The following RUSC2 variants were observed in gnomAD, a reference collection of about 807,000 sequenced individuals.
RUSC2 encodes AP-4 complex accessory subunit RUSC2.
A neutral mutation model predicts 122.2 loss-of-function variants in RUSC2; 34 were observed. That is an observed-to-expected ratio of 0.28 (90% CI 0.21 to 0.37). The LOEUF (loss-of-function observed/expected upper bound fraction) is 0.37. Ranked by LOEUF, RUSC2 falls within the 10% of genes least tolerant of loss-of-function variation. RUSC2 has a pLI of 1.00. For missense variants in RUSC2, 1,747 were observed against 1,952.4 expected (o/e 0.89, Z 1.98); for synonymous variants, 784 against 790.0 (o/e 0.99, Z 0.13).
intron 1 of RUSC2, among the ~76,000 whole-genome samples, chr9:35,518,967 A>G (rs1034705371): frequency 5.9e-5 from 9 of 152,172 alleles, no homozygotes; most frequent in Non-Finnish European, 1.0e-4. Flanking sequence ...CCTGTCCAGA[A>G]CAACAGGGCC....
At chr9:35,496,410 A>G (rs184670126) in intron 1 of RUSC2, among the ~76,000 whole-genome samples, 67 of 152,274 alleles carry the variant, frequency 4.4e-4, no homozygotes, top group South Asian at 1.0e-3. Context: ...AGGCTCCCCA[A>G]GGGTTGGCTA....
intron 1 of RUSC2, among the ~76,000 whole-genome samples, chr9:35,521,424 G>C (rs529081312): frequency 2.6e-5 from 4 of 152,264 alleles, no homozygotes; most frequent in Middle Eastern, 3.4e-3. Flanking sequence ...GATTTTAATG[G>C]AATAAAGAAA....
chr9:35,517,986 C>A (rs1170298287), intron 1 of RUSC2, among the ~76,000 whole-genome samples: 1 of 152,186 alleles, frequency 6.6e-6, no homozygotes, highest in Non-Finnish European at 1.5e-5. Flanking sequence ...GATGACCCAG[C>A]AAGTTGGAGG....
At chr9:35,514,105 G>T (rs946295033) in intron 1 of RUSC2, among the ~76,000 whole-genome samples, 1 of 151,806 alleles carries the variant, frequency 6.6e-6, no homozygotes, top group Non-Finnish European at 1.5e-5. Context: ...ACACTGCTAG[G>T]TTCTGAGTAT....
rs1487432792 is a variant in RUSC2 at position 35,555,675 on chromosome 9, G to A, written c.2630G>A (p.Gly877Asp). ...AESLARGGGE[G>D]SMATRPSNAN... ...AGCCTGGCCCGGGGAGGTGGTGAGG[G>A]CAGCATGGCCACCAGGCCCAGTAAT... The change falls in exon 3 of 12, where the codon GGC (glycine) becomes GAC (aspartate). Residue 877 changes from glycine to aspartate, a missense_variant. By Grantham distance (94) the Gly-to-Asp change is moderately conservative (BLOSUM62 -1). Coordinates refer to ENST00000361226, the MANE Select transcript of RUSC2 (RefSeq NM_014806.5). This position sits in a 1 kb window ranked among gnomAD's most constrained non-coding sequence, Gnocchi z 4.6. The A allele has an allele frequency of 1.3e-6, 2 of 1,596,620 alleles. No homozygotes were observed. Among genetic ancestry groups the A allele is most frequent in the African/African-American group, 1.3e-5 (1 of 74,290 alleles).
chr9:35,554,958 A>G, intron 2 of RUSC2, 102 bp from the exon 3 acceptor site: 5 of 1,362,998 alleles, frequency 3.7e-6, no homozygotes, highest in Non-Finnish European at 5.1e-6. Context: ...CCTGCCAGCC[A>G]GGTCCCTGCC....
Position 35,561,404 on chromosome 9 carries a change from C to G in RUSC2, c.*22C>G. ...CTGAGGCCCTGTGCATGCTGGTGGC[C>G]TCAGGGACCCTCATAACCCCCAGAC... is the stretch of plus-strand genomic sequence containing the variant. On this transcript the variant is annotated 3_prime_UTR_variant, in exon 12 of 12. Transcript: ENST00000361226. 6.3e-7 allele frequency: 1 copy of G among 1,577,756 alleles called. No homozygotes were observed. Among genetic ancestry groups the G allele is most frequent in the Non-Finnish European group, 8.6e-7 (1 of 1,159,116 alleles).
At chr9:35,513,485 C>T (rs113459672) in intron 1 of RUSC2, among the ~76,000 whole-genome samples, 115 of 151,844 alleles carry the variant, frequency 7.6e-4, no homozygotes, top group African/African-American at 2.7e-3. Flanking sequence ...TCAAGTGATC[C>T]ACCTGCCTCA....
intron 1 of RUSC2, among the ~76,000 whole-genome samples, chr9:35,529,479 T>C (rs1821380765): frequency 6.6e-6 from 1 of 150,594 alleles, no homozygotes; most frequent in African/African-American, 2.4e-5. Context: ...CCCAAAATGT[T>C]TATGGTGGCA....
At position 35,501,072 on chromosome 9, in the gene RUSC2, A is replaced by G. The variant is rs575197821; in HGVS notation, c.-93+10900A>G. On this transcript the variant is annotated intron_variant, in intron 1 of 11. Coordinates refer to ENST00000361226, the MANE Select transcript of RUSC2 (RefSeq NM_014806.5). ...CCTGTGAGAATCTATAGTAGAGAAT[A>G]AAGAATTTCAAACTTTTTTTAAAAC... Among the ~76,000 whole-genome samples the G allele has an allele frequency of 1.8e-3, 267 of 152,376 alleles. 1 individual carries two copies. Among genetic ancestry groups the G allele is most frequent in the Admixed American group, 3.0e-3 (46 of 15,304 alleles).
chr9:35,558,465 C>T lies in RUSC2; in HGVS notation c.3239C>T (p.Pro1080Leu), dbSNP rs1822070401. ...TGCAACCCTGGCTTCCTCCCAGGCC[C>T]ATCCACCAAGGTCCTGCATGGCCTC... Reference protein sequence around the residue: ...SVVEASTQLGPSTKVLHGLYN... With the variant: ...SVVEASTQLGLSTKVLHGLYN... Residue 1080 changes from proline to leucine, a missense_variant, in exon 8 of 12, where the codon CCA becomes CTA. Coordinates refer to ENST00000361226, the MANE Select transcript of RUSC2 (RefSeq NM_014806.5). The surrounding 1 kb of genome is among the most constrained non-coding windows in gnomAD (Gnocchi z 4.3). 2 of 1,613,984 alleles carry T rather than the reference C, an allele frequency of 1.2e-6. No homozygotes were observed. The highest frequency in any genetic ancestry group is 1.3e-5 in the African/African-American group (1 of 74,906).
Position 35,560,201 on chromosome 9 carries a change from G to C in RUSC2, c.3561G>C (p.Gln1187His). 1 of 1,605,332 alleles carries C rather than the reference G, an allele frequency of 6.2e-7. No homozygotes were observed. The highest frequency in any genetic ancestry group is 8.5e-7 in the Non-Finnish European group (1 of 1,179,604). ...TGCAAAGTGGGCAGCAGCAGCGGCA[G>C]CACAAGGAACTGCTGCGGGTGTCCC... ...RLLQSGQQQRQHKELLRVSQD... is the reference protein window; with the variant it reads ...RLLQSGQQQRHHKELLRVSQD... The change falls in exon 10 of 12, where the codon CAG (glutamine) becomes CAC (histidine). Residue 1187 changes from glutamine (Q) to histidine (H), a missense_variant. Gln to His is a conservative substitution (Grantham distance 24). Transcript: ENST00000361226.
At chr9:35,513,190 TTTGTTGTTGTTG>T (rs147038968) in intron 1 of RUSC2, among the ~76,000 whole-genome samples, 34,420 of 149,684 alleles carry the variant, frequency 0.23, 4,444 homozygotes, top group African/African-American at 0.33. Flanking sequence ...TATACTTTGT[TTTGTTGTTGTTG>T]TTGTTGTTGT....
chr9:35,556,544 G>C (rs1822025256), intron 5 of RUSC2, 96 bp downstream of exon 5: 1 of 1,365,240 alleles, frequency 7.3e-7, no homozygotes, highest in South Asian at 1.4e-5. Context: ...CTAAGTGCTG[G>C]CTGGGCCCAG....
Position 35,546,628 on chromosome 9 carries a change from G to A in RUSC2, c.107G>A (p.Gly36Asp). 6.4e-7 allele frequency: 1 copy of A among 1,565,760 alleles called. No individual in the cohort carries two copies. Among genetic ancestry groups the A allele is most frequent in the Non-Finnish European group, 8.6e-7 (1 of 1,157,000 alleles). Residue 36 changes from glycine to aspartate, a missense_variant, in exon 2 of 12, where the codon GGT becomes GAT. Coordinates refer to ENST00000361226, the MANE Select transcript of RUSC2 (RefSeq NM_014806.5). This position sits in a 1 kb window ranked among gnomAD's most constrained non-coding sequence, Gnocchi z 4.3. ...DRQCCGGAGGGGGSTRPNPFC... is the reference protein window; with the variant it reads ...DRQCCGGAGGDGGSTRPNPFC... ...CAGTGCTGTGGAGGGGCAGGTGGAG[G>A]TGGTGGGAGCACAAGACCTAATCCC...
intron 1 of RUSC2, among the ~76,000 whole-genome samples, chr9:35,535,244 T>G (rs747339899): frequency 1.8e-4 from 28 of 152,030 alleles, no homozygotes; most frequent in Middle Eastern, 3.2e-3. Flanking sequence ...GCCTCCCGAA[T>G]AGCTGGGGTT....
intron 1 of RUSC2, among the ~76,000 whole-genome samples, chr9:35,544,067 C>T (rs917089839): frequency 1.3e-5 from 2 of 152,108 alleles, no homozygotes; most frequent in Non-Finnish European, 2.9e-5. Context: ...ACAATACTCC[C>T]GGCAATGTTT....
At chr9:35,522,818 A>G (rs775768677) in intron 1 of RUSC2, among the ~76,000 whole-genome samples, 3 of 152,222 alleles carry the variant, frequency 2.0e-5, no homozygotes, top group Non-Finnish European at 4.4e-5. Flanking sequence ...AACTTAGCCA[A>G]AAGGAATTAC....
intron 2 of RUSC2, among the ~76,000 whole-genome samples, chr9:35,552,722 G>C (rs1231256314): frequency 2.0e-5 from 3 of 152,210 alleles, no homozygotes; most frequent in Non-Finnish European, 4.4e-5. Context: ...CTGAGGAACT[G>C]GGGGACTGGG....
Sources: gnomAD v4.1 joint callset for allele counts (sites outside exome capture counted in the v4.1 genomes callset) on GRCh38, gnomAD v4.1.1 for gene constraint, Gnocchi (gnomAD v3.1) non-coding constraint, MANE v1.5 for transcripts, NCBI Gene and HGNC (gene_info 2026-07-23, HGNC 2026-07-21) for gene names.